RNF157: variants seen among roughly 807,000 people sequenced by gnomAD.
RNF157 encodes ring finger protein 157, also known as E3 ubiquitin ligase RNF157.
In RNF157, 55 loss-of-function variants were observed where a neutral mutation model predicts 88.3. The ratio of observed to expected loss-of-function variants is 0.62; its 90% CI spans 0.50 to 0.78. RNF157 has a LOEUF of 0.78. Among genes scored for constraint, RNF157 ranks in the 30% least tolerant of loss-of-function variants. The pLI, the probability that RNF157 is intolerant of heterozygous loss-of-function variation, is 0.00. For missense variants in RNF157, 788 were observed against 860.8 expected (o/e 0.92, Z 1.06); for synonymous variants, 334 against 341.2 (o/e 0.98, Z 0.23).
intron 1 of RNF157, among the ~76,000 whole-genome samples, chr17:76,232,665 A>G (rs1263092639): frequency 6.6e-6 from 1 of 152,216 alleles, no homozygotes; most frequent in Non-Finnish European, 1.5e-5. Flanking sequence ...TGTTTAAGAC[A>G]CTGTCCAACT....
At chr17:76,227,014 AC>A (rs1015048639) in intron 1 of RNF157, among the ~76,000 whole-genome samples, 18 of 152,064 alleles carry the variant, frequency 1.2e-4, no homozygotes, top group Non-Finnish European at 1.8e-4. Context: ...GTGGCCGTGG[AC>A]CCTGAGGGCG....
rs564930985 is a variant in RNF157, at chr17:76,157,209, G to A, written c.1414-888C>T. On this transcript the variant is annotated intron_variant, in intron 13 of 18. Transcript: ENST00000269391. The surrounding 1 kb of genome is among the most constrained non-coding windows in gnomAD (Gnocchi z 5.6). ...TCTCGATCTCCTGACCTCGTGATCCGCCCGCCTCGGCCTCCCAAAGTGCCG... is the reference window on the plus strand; with the variant it reads ...TCTCGATCTCCTGACCTCGTGATCCACCCGCCTCGGCCTCCCAAAGTGCCG... 7.9e-5 allele frequency among the ~76,000 whole-genome samples: 12 copies of A among 152,230 alleles called. No individual in the cohort carries two copies. Among genetic ancestry groups the A allele is most frequent in the South Asian group, 4.1e-4 (2 of 4,830 alleles).
chr17:76,210,458 C>T (rs568165271), intron 2 of RNF157, among the ~76,000 whole-genome samples: 62 of 150,966 alleles, frequency 4.1e-4, no homozygotes, highest in Admixed American at 7.3e-4. Flanking sequence ...GGTGTAGTGG[C>T]GGGTGCCTGT....
At chr17:76,230,836 TAAAA>T (rs1160772405) in intron 1 of RNF157, among the ~76,000 whole-genome samples, 20 of 70,382 alleles carry the variant, frequency 2.8e-4, no homozygotes, top group South Asian at 1.8e-3. Flanking sequence ...AGACTCCATC[TAAAA>T]AAAAAAAAAA....
intron 17 of RNF157, among the ~76,000 whole-genome samples, chr17:76,152,820 C>T (rs908749027): frequency 2.0e-5 from 3 of 152,186 alleles, no homozygotes; most frequent in East Asian, 1.9e-4. Flanking sequence ...AGCTAGGGAG[C>T]GCCAGTGGGG....
intron 1 of RNF157, among the ~76,000 whole-genome samples, chr17:76,216,727 C>CA (rs1325295568): frequency 6.6e-6 from 1 of 151,724 alleles, no homozygotes; most frequent in African/African-American, 2.4e-5. Context: ...CTTGTCTCGA[C>CA]AAAAAATTAA....
chr17:76,193,819 G>A (rs1445983949), intron 2 of RNF157, among the ~76,000 whole-genome samples: 1 of 152,204 alleles, frequency 6.6e-6, no homozygotes, highest in Non-Finnish European at 1.5e-5. Flanking sequence ...CAGTGAGGCT[G>A]CCGCACCCAT....
intron 1 of RNF157, among the ~76,000 whole-genome samples, chr17:76,230,437 T>G (rs1338340048): frequency 6.6e-6 from 1 of 152,088 alleles, no homozygotes; most frequent in Admixed American, 6.5e-5. Context: ...GCATCCTGAG[T>G]CAAGACCTTA....
chr17:76,206,837 A>G (rs2069689275), intron 2 of RNF157, among the ~76,000 whole-genome samples: 1 of 152,180 alleles, frequency 6.6e-6, no homozygotes, highest in African/African-American at 2.4e-5. Flanking sequence ...TGTAGAAATA[A>G]CCAACTGGAA....
At position 76,165,462 on chromosome 17, in the gene RNF157, G is replaced by A. The variant is rs766011368; in HGVS notation, c.672+40C>T. The A allele has an allele frequency of 7.5e-6, 12 of 1,607,846 alleles. No individual in the cohort carries two copies. In the South Asian group the frequency reaches 8.8e-5, roughly 12 times the overall value. ...TACATGTGTCTCACACGAAAGAAAGGGCTAAAGGCAATAAAGCGAGGCCCT... is the reference window on the plus strand; with the variant it reads ...TACATGTGTCTCACACGAAAGAAAGAGCTAAAGGCAATAAAGCGAGGCCCT... On this transcript the variant is annotated intron_variant, in intron 7 of 18. Transcript: ENST00000269391.
intron 3 of RNF157, among the ~76,000 whole-genome samples, chr17:76,168,620 G>A (rs959459749): frequency 6.6e-5 from 10 of 151,810 alleles, no homozygotes; most frequent in Non-Finnish European, 7.4e-5. Flanking sequence ...GCTCCCAGTC[G>A]CCACCCTGGA....
chr17:76,148,509 C>A (rs753746996), intron 18 of RNF157, among the ~76,000 whole-genome samples: 1 of 151,252 alleles, frequency 6.6e-6, no homozygotes, highest in Non-Finnish European at 1.5e-5. Context: ...TCTTGTGATC[C>A]GCCCATCTCG....
chr17:76,173,537 GA>G (rs2069052782), intron 3 of RNF157, among the ~76,000 whole-genome samples, 164 bp downstream of exon 3: 1 of 152,156 alleles, frequency 6.6e-6, no homozygotes, highest in Non-Finnish European at 1.5e-5. Flanking sequence ...TGGACGGCCT[GA>G]TCTCAGCAGA....
chr17:76,173,771 G>A lies in RNF157; in HGVS notation c.227C>T (p.Pro76Leu). Residue 76 changes from proline (P) to leucine (L), a missense_variant, in exon 3 of 19, where the codon CCT (proline) becomes CTT (leucine). Coordinates refer to ENST00000269391, the MANE Select transcript of RNF157 (RefSeq NM_052916.3). ...RPVVFPYAAP[P>L]PQEPVKTLRS... ...CAGAGTCTTCACGGGTTCTTGGGGA[G>A]GTGGGGCGGCGTAAGGAAACTGTGT... 1 of 1,610,536 alleles carries A rather than the reference G, an allele frequency of 6.2e-7. No individual in the cohort carries two copies. Among genetic ancestry groups the A allele is most frequent in the Non-Finnish European group, 8.5e-7 (1 of 1,178,040 alleles).
chr17:76,173,726 C>A lies in RNF157; in HGVS notation c.272G>T (p.Arg91Leu). The stretch of plus-strand genomic sequence containing the variant: ...CTTGACGAGCCTCAGTGTGTCCTTT[C>A]GGATATTGACCAGGCTTCTCAGAGT... Reference protein sequence around the residue: ...VKTLRSLVNIRKDTLRLVKCA... With the variant: ...VKTLRSLVNILKDTLRLVKCA... The change falls in exon 3 of 19, where the codon CGA (arginine) becomes CTA (leucine). Residue 91 changes from arginine (R) to leucine (L), a missense_variant. Coordinates refer to ENST00000269391, the MANE Select transcript of RNF157 (RefSeq NM_052916.3). 6.2e-7 allele frequency: 1 copy of A among 1,609,712 alleles called. No individual in the cohort carries two copies. The highest frequency in any genetic ancestry group is 1.1e-5 in the South Asian group (1 of 90,298).
chr17:76,182,276 G>C (rs1184856412), intron 2 of RNF157, among the ~76,000 whole-genome samples: 5 of 152,166 alleles, frequency 3.3e-5, no homozygotes, highest in Non-Finnish European at 7.3e-5. Flanking sequence ...TGTGTGTTAC[G>C]TGAGCAACTC....
At chr17:76,192,441 G>C (rs946549613) in intron 2 of RNF157, among the ~76,000 whole-genome samples, 6 of 152,150 alleles carry the variant, frequency 3.9e-5, no homozygotes, top group Non-Finnish European at 5.9e-5. Context: ...AATCCATGTA[G>C]GAATCCTCTT....
intron 2 of RNF157, among the ~76,000 whole-genome samples, chr17:76,183,676 T>A (rs2069234342): frequency 6.6e-6 from 1 of 152,166 alleles, no homozygotes; most frequent in South Asian, 2.1e-4. Context: ...ATAGAATAAT[T>A]ATAGCTTTCT....
At chr17:76,151,170 C>T (rs967358544) in intron 18 of RNF157, among the ~76,000 whole-genome samples, 8 of 152,230 alleles carry the variant, frequency 5.3e-5, no homozygotes, top group African/African-American at 1.9e-4. Context: ...TGGGCCTGCG[C>T]AGGAGAAGCA....
Sources: allele counts gnomAD v4.1 joint callset (sites outside exome capture counted in the v4.1 genomes callset), GRCh38; gene constraint gnomAD v4.1.1; non-coding constraint Gnocchi (gnomAD v3.1); transcripts MANE v1.5; gene names NCBI Gene and HGNC (gene_info 2026-07-23, HGNC 2026-07-21).